Variants in ADAMTS6 observed in about 807,000 individuals in gnomAD.
The protein encoded by ADAMTS6 is ADAM metallopeptidase with thrombospondin type 1 motif 6.
ADAMTS6 carries 23 observed loss-of-function variants against 144.3 expected under a neutral mutation model. The ratio of observed to expected loss-of-function variants is 0.16; its 90% CI spans 0.11 to 0.23. The LOEUF (loss-of-function observed/expected upper bound fraction) is 0.23. Among genes scored for constraint, ADAMTS6 ranks in the 10% least tolerant of loss-of-function variants. ADAMTS6 has a pLI of 1.00. For synonymous variants in ADAMTS6, 444 were observed against 457.5 expected, an observed-to-expected ratio of 0.97 and a Z score of 0.38; for missense variants, 999 against 1,379.6, an observed-to-expected ratio of 0.72 and a Z score of 4.37.
rs73093244 is a variant in ADAMTS6, at chr5:65,478,401, T to C, written c.-280+2942A>G. 8.0e-4 allele frequency among the ~76,000 whole-genome samples: 122 copies of C among 152,316 alleles called. 1 individual carries two copies. Among genetic ancestry groups the C allele is most frequent in the African/African-American group, 2.9e-3 (121 of 41,568 alleles). On this transcript the variant is annotated intron_variant, in intron 1 of 24. Coordinates refer to ENST00000381055, the MANE Select transcript of ADAMTS6 (RefSeq NM_197941.4). ...ATTGTATAGCAGAAACATCATTATG[T>C]TGTGGAAAGCACAAAGGCTTTGAGT...
intron 7 of ADAMTS6, among the ~76,000 whole-genome samples, chr5:65,393,641 C>T (rs1753101258): frequency 1.3e-5 from 2 of 152,144 alleles, no homozygotes. Context: ...AAATGATTCT[C>T]TGAGCATGAA....
chr5:65,309,969 G>A (rs969634726), intron 9 of ADAMTS6, among the ~76,000 whole-genome samples: 2 of 152,048 alleles, frequency 1.3e-5, no homozygotes, highest in African/African-American at 4.8e-5. Context: ...ATGTCAAATT[G>A]TAATCCCCAG....
chr5:65,354,848 C>A (rs2150095020), intron 7 of ADAMTS6, among the ~76,000 whole-genome samples: 1 of 151,808 alleles, frequency 6.6e-6, no homozygotes, highest in Middle Eastern at 3.4e-3. Flanking sequence ...TATTCCGAAT[C>A]TTCAACAAGG....
Position 65,151,933 on chromosome 5 carries a change from A to C in ADAMTS6, c.3257T>G (p.Val1086Gly). Reference protein sequence around the residue: ...PISNTEECKDVNKVAYCPLVL... With the variant: ...PISNTEECKDGNKVAYCPLVL... The stretch of plus-strand genomic sequence containing the variant: ...CAGTGGGCAATAAGCCACTTTATTC[A>C]CATCTTTGCACTCTAACGAATGGGG... Residue 1086 changes from valine (V) to glycine (G), a missense_variant, in exon 25 of 25, where the codon GTG (valine) becomes GGG (glycine). Around this residue, in one of 3 missense-constraint regions of ADAMTS6, gnomAD observed 619 missense variants for 837.0 expected, o/e 0.74. Transcript: ENST00000381055. 6.2e-7 allele frequency: 1 copy of C among 1,612,860 alleles called. No individual in the cohort carries two copies. Among genetic ancestry groups the C allele is most frequent in the Non-Finnish European group, 8.5e-7 (1 of 1,179,006 alleles).
intron 11 of ADAMTS6, among the ~76,000 whole-genome samples, chr5:65,275,621 G>T (rs1762473473): frequency 6.6e-6 from 1 of 151,460 alleles, no homozygotes; most frequent in Admixed American, 6.6e-5. Flanking sequence ...ATAGAAGAAG[G>T]TTTTTAAACC....
intron 15 of ADAMTS6, among the ~76,000 whole-genome samples, chr5:65,234,652 T>C (rs1561310533): frequency 6.6e-6 from 1 of 152,106 alleles, no homozygotes; most frequent in Non-Finnish European, 1.5e-5. Context: ...ATATACATTA[T>C]TGGTGGGAAT....
At chr5:65,443,011 G>A (rs928199013) in intron 7 of ADAMTS6, among the ~76,000 whole-genome samples, 12 of 152,072 alleles carry the variant, frequency 7.9e-5, no homozygotes, top group Non-Finnish European at 1.3e-4. Context: ...ACATAATCTC[G>A]TTCCTTTTTA....
At chr5:65,180,403 T>C (rs1754270574) in intron 22 of ADAMTS6, among the ~76,000 whole-genome samples, 1 of 152,158 alleles carries the variant, frequency 6.6e-6, no homozygotes, top group Admixed American at 6.5e-5. Flanking sequence ...CTGATTCCTT[T>C]TATTCCTTTT....
intron 20 of ADAMTS6, among the ~76,000 whole-genome samples, chr5:65,205,081 T>G (rs1274342291): frequency 6.6e-6 from 1 of 152,078 alleles, no homozygotes; most frequent in Non-Finnish European, 1.5e-5. Flanking sequence ...TTTATGTCTT[T>G]CGCACTTAAT....
chr5:65,376,203 TA>T (rs1751525137), intron 7 of ADAMTS6, among the ~76,000 whole-genome samples: 1 of 152,154 alleles, frequency 6.6e-6, no homozygotes, highest in African/African-American at 2.4e-5. Context: ...ATGGCACATG[TA>T]TACATATGTA....
chr5:65,218,480 G>A (rs1757085284), intron 18 of ADAMTS6, among the ~76,000 whole-genome samples: 5 of 151,998 alleles, frequency 3.3e-5, no homozygotes, highest in Admixed American at 2.6e-4. Context: ...TCAAACAGGA[G>A]GAAGGCAAAG....
At chr5:65,378,151 C>T (rs772570062) in intron 7 of ADAMTS6, among the ~76,000 whole-genome samples, 4 of 152,168 alleles carry the variant, frequency 2.6e-5, no homozygotes, top group Non-Finnish European at 5.9e-5. Context: ...GTTAGGACTT[C>T]ACCATATCTT....
intron 7 of ADAMTS6, among the ~76,000 whole-genome samples, chr5:65,386,739 C>A (rs566806430): frequency 6.6e-6 from 1 of 152,058 alleles, no homozygotes; most frequent in African/African-American, 2.4e-5. Context: ...AGGTGCCCAC[C>A]ACCACACCCA....
At chr5:65,199,677 A>G (rs1250039353) in intron 20 of ADAMTS6, among the ~76,000 whole-genome samples, 2 of 152,172 alleles carry the variant, frequency 1.3e-5, no homozygotes, top group Non-Finnish European at 2.9e-5. Flanking sequence ...TTACATGTAT[A>G]CCCAAACTAA....
chr5:65,442,511 A>C (rs1169441817), intron 7 of ADAMTS6, among the ~76,000 whole-genome samples: 1 of 152,178 alleles, frequency 6.6e-6, no homozygotes, highest in Non-Finnish European at 1.5e-5. Flanking sequence ...TCTTCCAGAA[A>C]ATTGAAAAGA....
chr5:65,292,717 T>C (rs995958216), intron 10 of ADAMTS6, among the ~76,000 whole-genome samples: 4 of 152,086 alleles, frequency 2.6e-5, no homozygotes, highest in African/African-American at 9.7e-5. Flanking sequence ...TTCTCCTTTC[T>C]TTCATGCCCT....
At chr5:65,364,593 G>A (rs148813564) in intron 7 of ADAMTS6, among the ~76,000 whole-genome samples, 1 of 138,086 alleles carries the variant, frequency 7.2e-6, no homozygotes, top group Non-Finnish European at 1.5e-5. Context: ...TTGGGACAGA[G>A]CCTTGCTCTG....
chr5:65,407,113 C>T (rs1754587742), intron 7 of ADAMTS6, among the ~76,000 whole-genome samples: 1 of 152,040 alleles, frequency 6.6e-6, no homozygotes, highest in African/African-American at 2.4e-5. Context: ...AGCCAACATT[C>T]AAATTCAGGA....
chr5:65,392,192 G>A (rs1276131998), intron 7 of ADAMTS6, among the ~76,000 whole-genome samples: 1 of 152,054 alleles, frequency 6.6e-6, no homozygotes, highest in Non-Finnish European at 1.5e-5. Context: ...TTCATTCATT[G>A]TATAAACTTT....
Sources: allele counts gnomAD v4.1 joint callset (sites outside exome capture counted in the v4.1 genomes callset), GRCh38; gene constraint gnomAD v4.1.1; regional missense constraint gnomAD v4.1.1; transcripts MANE v1.5; gene names NCBI Gene and HGNC (gene_info 2026-07-23, HGNC 2026-07-21).